The following FHIT variants were observed in gnomAD, a reference collection of about 807,000 sequenced individuals.
FHIT encodes the protein bis(5'-adenosyl)-triphosphatase.
Under a neutral mutation model 17.9 loss-of-function variants are expected in FHIT, and 19 were observed. The ratio of observed to expected loss-of-function variants is 1.06; its 90% CI spans 0.74 to 1.56. FHIT has a LOEUF of 1.56. Ranked by LOEUF, FHIT falls within the 40% of genes most tolerant of loss-of-function variation. FHIT has a pLI of 0.00. For missense variants in FHIT, 248 were observed against 189.2 expected, an observed-to-expected ratio of 1.31 and a Z score of -1.82; for synonymous variants, 81 against 69.7, an observed-to-expected ratio of 1.16 and a Z score of -0.81.
At chr3:61,185,573 T>C (rs562615430) in intron 2 of FHIT, among the ~76,000 whole-genome samples, 1 of 152,278 alleles carries the variant, frequency 6.6e-6, no homozygotes, top group African/African-American at 2.4e-5. Flanking sequence ...GCAGCAGAGG[T>C]GCTTTTCAAA....
chr3:59,864,801 G>T (rs963194048), intron 8 of FHIT, among the ~76,000 whole-genome samples: 2 of 147,346 alleles, frequency 1.4e-5, no homozygotes, highest in Non-Finnish European at 3.0e-5. Flanking sequence ...CTGCCTAAAA[G>T]GCCCTTCTGA....
intron 8 of FHIT, among the ~76,000 whole-genome samples, chr3:59,906,924 T>C (rs1438701564): frequency 6.6e-6 from 1 of 152,224 alleles, no homozygotes; most frequent in Non-Finnish European, 1.5e-5. Context: ...TCAATACCCT[T>C]TCTGCTATGC....
chr3:60,376,029 T>G (rs139347175), intron 5 of FHIT, among the ~76,000 whole-genome samples: 1 of 152,218 alleles, frequency 6.6e-6, no homozygotes, highest in South Asian at 2.1e-4. Context: ...GTGGTTTCCA[T>G]GCAGAAGCAG....
intron 8 of FHIT, among the ~76,000 whole-genome samples, chr3:59,832,924 G>A (rs1050260597): frequency 1.3e-5 from 2 of 152,198 alleles, no homozygotes; most frequent in African/African-American, 4.8e-5. Context: ...GAATCCAGCT[G>A]TGCCTGAAGA....
At chr3:60,776,111 CG>C (rs1414507201) in intron 4 of FHIT, among the ~76,000 whole-genome samples, 1 of 152,166 alleles carries the variant, frequency 6.6e-6, no homozygotes, top group Non-Finnish European at 1.5e-5. Context: ...TGCAAAGTTT[CG>C]GTTGTGAAAT....
intron 5 of FHIT, among the ~76,000 whole-genome samples, chr3:60,032,159 G>A (rs1316472863): frequency 2.0e-5 from 3 of 152,084 alleles, no homozygotes; most frequent in Admixed American, 2.0e-4. Flanking sequence ...TGTGTTAACT[G>A]GTATTAAATA....
At chr3:61,211,599 G>C (rs1256880433) in intron 1 of FHIT, among the ~76,000 whole-genome samples, 1 of 152,252 alleles carries the variant, frequency 6.6e-6, no homozygotes, top group Non-Finnish European at 1.5e-5. Context: ...CAAAAAGACA[G>C]CAGTAACCTC....
intron 7 of FHIT, among the ~76,000 whole-genome samples, chr3:59,923,411 C>T (rs1404553836): frequency 1.3e-5 from 2 of 152,034 alleles, no homozygotes; most frequent in Admixed American, 1.3e-4. Flanking sequence ...ATTCTGCGAA[C>T]TTAATCTTTT....
intron 1 of FHIT, among the ~76,000 whole-genome samples, chr3:61,231,832 T>C (rs1188542261): frequency 1.3e-5 from 2 of 152,086 alleles, no homozygotes; most frequent in Admixed American, 6.5e-5. Flanking sequence ...CAGGGAGGGA[T>C]AAGGAACTAC....
intron 5 of FHIT, among the ~76,000 whole-genome samples, chr3:60,300,854 C>T (rs1708432558): frequency 6.6e-6 from 1 of 152,100 alleles, no homozygotes; most frequent in Admixed American, 6.6e-5. Context: ...TGATGTTCTC[C>T]TTCCAGATAG....
intron 5 of FHIT, among the ~76,000 whole-genome samples, chr3:60,289,716 C>G (rs1178251207): frequency 6.6e-6 from 1 of 152,130 alleles, no homozygotes; most frequent in Non-Finnish European, 1.5e-5. Context: ...ATGGAAATGC[C>G]TAGAAATGAT....
At chr3:59,889,013 T>C (rs1292880651) in intron 8 of FHIT, among the ~76,000 whole-genome samples, 2 of 152,218 alleles carry the variant, frequency 1.3e-5, no homozygotes, top group African/African-American at 4.8e-5. Flanking sequence ...AATTCATTCA[T>C]GACAGCAGGG....
chr3:59,793,693 G>A (rs539823360), intron 8 of FHIT, among the ~76,000 whole-genome samples: 2 of 152,308 alleles, frequency 1.3e-5, no homozygotes, highest in East Asian at 3.9e-4. Context: ...TGAGGGGACA[G>A]GACTTTAAAC....
At chr3:61,079,103 T>C (rs759243839) in intron 2 of FHIT, among the ~76,000 whole-genome samples, 7 of 152,190 alleles carry the variant, frequency 4.6e-5, no homozygotes, top group Non-Finnish European at 1.0e-4. Flanking sequence ...CATTAAATCC[T>C]CCTCAAAACT....
intron 5 of FHIT, among the ~76,000 whole-genome samples, chr3:60,405,321 T>C (rs1488597979): frequency 6.6e-6 from 1 of 152,210 alleles, no homozygotes; most frequent in Non-Finnish European, 1.5e-5. Context: ...TTAACCTTTT[T>C]TGCTTACTCA....
At chr3:60,802,406 A>C (rs1701223826) in intron 4 of FHIT, among the ~76,000 whole-genome samples, 1 of 152,222 alleles carries the variant, frequency 6.6e-6, no homozygotes, top group African/African-American at 2.4e-5. Context: ...TACATCATAA[A>C]TTAAAGGCTC....
intron 8 of FHIT, among the ~76,000 whole-genome samples, chr3:59,857,464 G>A (rs1339766506): frequency 2.0e-5 from 3 of 152,058 alleles, no homozygotes; most frequent in African/African-American, 7.2e-5. Context: ...GGCAGGGCTT[G>A]GAGTTTTATT....
chr3:61,208,988 A>G (rs1361274900), intron 1 of FHIT, among the ~76,000 whole-genome samples: 1 of 151,944 alleles, frequency 6.6e-6, no homozygotes, highest in Non-Finnish European at 1.5e-5. Flanking sequence ...TGCTTCCTTC[A>G]GGGGCTCTTT....
At chr3:60,679,789 C>T (rs139605909) in intron 4 of FHIT, among the ~76,000 whole-genome samples, 1 of 152,124 alleles carries the variant, frequency 6.6e-6, no homozygotes, top group Non-Finnish European at 1.5e-5. Context: ...AATTCCACTA[C>T]ATTTGCCAAC....
Sources: gnomAD v4.1 joint callset for allele counts (sites outside exome capture counted in the v4.1 genomes callset) on GRCh38, gnomAD v4.1.1 for gene constraint, MANE v1.5 for transcripts, NCBI Gene and HGNC (gene_info 2026-07-23, HGNC 2026-07-21) for gene names.